Variants in NDUFS5 observed in about 807,000 individuals in gnomAD.
NDUFS5 encodes the protein NADH dehydrogenase [ubiquinone] iron-sulfur protein 5.
Under a neutral mutation model 10.5 loss-of-function variants are expected in NDUFS5, and 7 were observed. The observed-to-expected ratio is 0.66, with a 90% CI of 0.38 to 1.25. NDUFS5 has a LOEUF of 1.25. Ranked by LOEUF, NDUFS5 falls within the 50% of genes most tolerant of loss-of-function variation. NDUFS5 has a pLI of 0.02. For synonymous variants in NDUFS5, 38 were observed against 44.0 expected, an observed-to-expected ratio of 0.86 and a Z score of 0.54; for missense variants, 148 against 140.7, an observed-to-expected ratio of 1.05 and a Z score of -0.26.
chr1:39,027,299 C>T (rs1433157955), intron 1 of NDUFS5, among the ~76,000 whole-genome samples: 1 of 151,992 alleles, frequency 6.6e-6, no homozygotes, highest in Non-Finnish European at 1.5e-5. Flanking sequence ...CTTGAACTCG[C>T]GGCCTCAGGT....
intron 1 of NDUFS5, among the ~76,000 whole-genome samples, chr1:39,027,823 T>TGAGACAGAG (rs1570990069): frequency 1.5e-5 from 1 of 68,282 alleles, no homozygotes; most frequent in African/African-American, 4.8e-5. Context: ...TCTTTTTTTT[T>TGAGACAGAG]TTTTTTTTTT....
chr1:39,027,739 CTTTTT>C (rs1162808002), intron 1 of NDUFS5, among the ~76,000 whole-genome samples: 1 of 43,360 alleles, frequency 2.3e-5, no homozygotes, highest in African/African-American at 7.9e-5. Flanking sequence ...CCACAAGTGC[CTTTTT>C]TTTTTTTTTT....
rs200515387 is a variant in NDUFS5 at position 39,034,453 on chromosome 1, C to G, written c.278C>G (p.Thr93Ser). ...AAGCTGATAAAGGAAGGAAAGTACA[C>G]CCCTCCACCTCACCACATTGGCAAG... is the stretch of plus-strand genomic sequence containing the variant. ...RDKLIKEGKY[T>S]PPPHHIGKGE... Residue 93 changes from threonine to serine, a missense_variant, in exon 3 of 3, where the codon ACC becomes AGC. By Grantham distance (58) the Thr-to-Ser change is moderately conservative. Coordinates refer to ENST00000372969, the MANE Select transcript of NDUFS5 (RefSeq NM_004552.3). The G allele has an allele frequency of 1.2e-6, 2 of 1,613,574 alleles. No individual in the cohort carries two copies. Among genetic ancestry groups the G allele is most frequent in the Non-Finnish European group, 1.7e-6 (2 of 1,179,754 alleles).
In NDUFS5 at chr1:39,034,423, G is replaced by C; in HGVS notation, c.248G>C (p.Arg83Pro). 6.2e-7 allele frequency: 1 copy of C among 1,613,444 alleles called. No homozygotes were observed. Among genetic ancestry groups the C allele is most frequent in the South Asian group, 1.1e-5 (1 of 91,056 alleles). Residue 83 changes from arginine (R) to proline (P), a missense_variant, in exon 3 of 3, where the codon CGG becomes CCG. Arg to Pro is a moderately radical substitution (Grantham distance 103). Coordinates refer to ENST00000372969, the MANE Select transcript of NDUFS5 (RefSeq NM_004552.3). ...CGTGCAGGTACCATCAGGAAGCAGC[G>C]GGATAAGCTGATAAAGGAAGGAAAG... ...MRRAGTIRKQ[R>P]DKLIKEGKYT...
At chr1:39,032,601 C>A (rs1229088623) in intron 2 of NDUFS5, among the ~76,000 whole-genome samples, 5 of 149,138 alleles carry the variant, frequency 3.4e-5, no homozygotes, top group African/African-American at 4.9e-5. Flanking sequence ...AGCAAAACAG[C>A]AAAAAAAAAA....
intron 2 of NDUFS5, among the ~76,000 whole-genome samples, chr1:39,031,395 A>G (rs1257981378): frequency 6.6e-6 from 1 of 151,700 alleles, no homozygotes. Context: ...TGCACCCTCA[A>G]ACTCCTAGGC....
chr1:39,028,960 G>A lies in NDUFS5; in HGVS notation c.216+20G>A. 1.2e-6 allele frequency: 2 copies of A among 1,604,280 alleles called. No individual in the cohort carries two copies. The highest frequency in any genetic ancestry group is 1.1e-5 in the South Asian group (1 of 90,470). ...AAAACGGTAAGGAAATGATGGAGGTGGAAGCTGAATTACTTTCTTGTTCCT... is the reference window on the plus strand; with the variant it reads ...AAAACGGTAAGGAAATGATGGAGGTAGAAGCTGAATTACTTTCTTGTTCCT... On this transcript the variant is annotated intron_variant, in intron 2 of 2. Transcript: ENST00000372969.
chr1:39,030,669 G>C (rs1333953316), intron 2 of NDUFS5, among the ~76,000 whole-genome samples: 2 of 150,156 alleles, frequency 1.3e-5, no homozygotes, highest in East Asian at 4.0e-4. Context: ...GCAGTGAGTC[G>C]AGATTGTGCC....
At chr1:39,028,446 C>CACCGCTCCT (rs1313629553) in intron 1 of NDUFS5, among the ~76,000 whole-genome samples, 2 of 151,934 alleles carry the variant, frequency 1.3e-5, no homozygotes, top group South Asian at 4.2e-4. Flanking sequence ...GTAGGTGAGC[C>CACCGCTCCT]ACCGCTCCTG....
Position 39,028,835 on chromosome 1 carries a change from A to G in NDUFS5, c.111A>G (p.Glu37=). The G allele has an allele frequency of 6.2e-7, 1 of 1,614,152 alleles. No homozygotes were observed. The highest frequency in any genetic ancestry group is 8.5e-7 in the Non-Finnish European group (1 of 1,180,020). The change falls in exon 2 of 3, where the codon GAA becomes GAG. Residue 37 remains glutamate (E), a synonymous_variant. Coordinates refer to ENST00000372969, the MANE Select transcript of NDUFS5 (RefSeq NM_004552.3). ...YKMAGRCHAF[E]KEWIECAHGI... ...TGGCTGGTCGATGCCATGCTTTTGA[A>G]AAAGAATGGATAGAATGTGCACATG...
At chr1:39,033,779 C>T (rs994488909) in intron 2 of NDUFS5, among the ~76,000 whole-genome samples, 2 of 141,890 alleles carry the variant, frequency 1.4e-5, no homozygotes, top group Non-Finnish European at 3.1e-5. Context: ...GGATTACAGG[C>T]GTGAGCCACC....
intron 2 of NDUFS5, 84 bp downstream of exon 2, chr1:39,029,024 C>T (rs992224484): frequency 7.2e-6 from 9 of 1,250,476 alleles, no homozygotes; most frequent in Admixed American, 2.1e-5. Context: ...CGAAGTCTCA[C>T]TCTTGTCCCC....
At chr1:39,028,691 A>G in intron 1 of NDUFS5, 32 bp from the exon 2 acceptor site, 1 of 1,594,964 alleles carries the variant, frequency 6.3e-7, no homozygotes, top group Non-Finnish European at 8.6e-7. Context: ...GTGGTATTTT[A>G]TTTACTTATT....
chr1:39,030,800 C>T (rs769810504), intron 2 of NDUFS5, among the ~76,000 whole-genome samples: 3 of 151,732 alleles, frequency 2.0e-5, no homozygotes, highest in Non-Finnish European at 2.9e-5. Flanking sequence ...GTGGAAAGAA[C>T]ATTGGATTGG....
chr1:39,034,483 A>G lies in NDUFS5; in HGVS notation c.308A>G (p.Glu103Gly). Residue 103 changes from glutamate (E) to glycine (G), a missense_variant, in exon 3 of 3, where the codon GAG becomes GGG. By Grantham distance (98) the Glu-to-Gly change is moderately conservative. Coordinates refer to ENST00000372969, the MANE Select transcript of NDUFS5 (RefSeq NM_004552.3). Reference protein sequence around the residue: ...TPPPHHIGKGEPRP With the variant: ...TPPPHHIGKGGPRP ...CCACCTCACCACATTGGCAAGGGGG[A>G]GCCTCGGCCCTGAACAGAGCAGCTG... is the stretch of plus-strand genomic sequence containing the variant. The G allele has an allele frequency of 6.2e-7, 1 of 1,613,128 alleles. No homozygotes were observed. Among genetic ancestry groups the G allele is most frequent in the Non-Finnish European group, 8.5e-7 (1 of 1,179,426 alleles).
At chr1:39,027,103 T>C (rs1644154133) in intron 1 of NDUFS5, among the ~76,000 whole-genome samples, 1 of 152,146 alleles carries the variant, frequency 6.6e-6, no homozygotes, top group Admixed American at 6.5e-5. Flanking sequence ...AGTTTCGCTC[T>C]TGTTGCCCAG....
Position 39,034,600 on chromosome 1 carries a change from G to T in NDUFS5, c.*104G>T. On this transcript the variant is annotated 3_prime_UTR_variant, in exon 3 of 3. Transcript: ENST00000372969. ...CCTTGTCAAAGTGTGTAAAAATAAA[G>T]GATTGCTCCATCCTATTTGTTCTAT... The T allele has an allele frequency of 1.1e-6, 1 of 895,940 alleles. No homozygotes were observed. Among genetic ancestry groups the T allele is most frequent in the Non-Finnish European group, 1.8e-6 (1 of 552,104 alleles). 55.5% of individuals were successfully genotyped at this position (895,940 alleles called of 1,614,324 possible). A position where few individuals can be genotyped will look rare whatever the true frequency, so the allele number is the denominator to read the frequency against.
rs199566021 is a variant in NDUFS5 at position 39,028,812 on chromosome 1, G to T, written c.88G>T (p.Ala30Ser). The T allele has an allele frequency of 6.2e-7, 1 of 1,614,026 alleles. No individual in the cohort carries two copies. ...GAGTGGTGAACAGCCCTACAAGATG[G>T]CTGGTCGATGCCATGCTTTTGAAAA... ...IQSGEQPYKM[A>S]GRCHAFEKEW... is the part of the protein sequence containing the mutation. The change falls in exon 2 of 3, where the codon GCT becomes TCT. Residue 30 changes from alanine (A) to serine (S), a missense_variant. Physicochemically the swap from Ala to Ser is moderately conservative, Grantham distance 99. Coordinates refer to ENST00000372969, the MANE Select transcript of NDUFS5 (RefSeq NM_004552.3).
Position 39,029,340 on chromosome 1 carries a change from G to C in NDUFS5, c.216+400G>C, listed in dbSNP as rs1486153376. 2.6e-5 allele frequency among the ~76,000 whole-genome samples: 4 copies of C among 152,054 alleles called. No individual in the cohort carries two copies. In the East Asian group the frequency reaches 7.7e-4, roughly 29 times the overall value. On this transcript the variant is annotated intron_variant, in intron 2 of 2. Transcript: ENST00000372969. ...GTTTTTAGTGGGTCATTGAGCAGTG[G>C]CTTGCCAAATGTGAATTGGCAAAGC... is the stretch of plus-strand genomic sequence containing the variant.
Sources: allele counts gnomAD v4.1 joint callset (sites outside exome capture counted in the v4.1 genomes callset), GRCh38; gene constraint gnomAD v4.1.1; transcripts MANE v1.5; gene names NCBI Gene and HGNC (gene_info 2026-07-23, HGNC 2026-07-21).